Variants in ABTB2 observed in about 807,000 individuals in gnomAD.
ABTB2 encodes ankyrin repeat and BTB domain containing 2, also known as ankyrin repeat and BTB/POZ domain-containing protein 2.
In ABTB2, 56 loss-of-function variants were observed where a neutral mutation model predicts 104.1. That is an observed-to-expected ratio of 0.54 (90% CI 0.43 to 0.67). The LOEUF (loss-of-function observed/expected upper bound fraction) is 0.67. Ranked by LOEUF, ABTB2 falls within the 30% of genes least tolerant of loss-of-function variation. The pLI is 0.00. For missense variants in ABTB2, 1,279 were observed against 1,407.7 expected, an observed-to-expected ratio of 0.91 and a Z score of 1.46; for synonymous variants, 606 against 608.2, an observed-to-expected ratio of 1.00 and a Z score of 0.05.
chr11:34,270,023 G>A (rs1334385101), intron 1 of ABTB2, among the ~76,000 whole-genome samples: 1 of 152,172 alleles, frequency 6.6e-6, no homozygotes, highest in East Asian at 1.9e-4. Context: ...ACGTCTTCTG[G>A]CTCCTTATCT....
intron 1 of ABTB2, among the ~76,000 whole-genome samples, chr11:34,306,423 T>C (rs1248434790): frequency 6.6e-6 from 1 of 150,700 alleles, no homozygotes; most frequent in African/African-American, 2.4e-5. Context: ...ATTTTTGTAT[T>C]TTTAGTAGAG....
At position 34,229,278 on chromosome 11, in the gene ABTB2, C is replaced by A. The variant is rs534751988; in HGVS notation, c.884-24588G>T. ...TGGGCGGATCACAAAGTCAGGAGAT[C>A]AAGACCATCCTGGCTAACACGATGA... is the stretch of plus-strand genomic sequence containing the variant. On this transcript the variant is annotated intron_variant, in intron 1 of 16. Transcript: ENST00000435224. Among the ~76,000 whole-genome samples, 425 of 151,774 alleles carry A rather than the reference C, an allele frequency of 2.8e-3. 3 individuals carry two copies. The highest frequency in any genetic ancestry group is 6.5e-3 in the African/African-American group (267 of 41,380).
At chr11:34,325,667 T>C (rs1426544428) in intron 1 of ABTB2, among the ~76,000 whole-genome samples, 1 of 152,140 alleles carries the variant, frequency 6.6e-6, no homozygotes, top group Non-Finnish European at 1.5e-5. Context: ...AAATGCTGGA[T>C]AGGCCGGGTG....
At chr11:34,313,069 T>G (rs1417837660) in intron 1 of ABTB2, among the ~76,000 whole-genome samples, 1 of 152,228 alleles carries the variant, frequency 6.6e-6, no homozygotes, top group Admixed American at 6.5e-5. Context: ...AAATTAAATC[T>G]ATATTCATGA....
At chr11:34,159,192 G>T in intron 14 of ABTB2, 104 bp downstream of exon 14, 1 of 823,666 alleles carries the variant, frequency 1.2e-6, no homozygotes, top group Non-Finnish European at 2.0e-6. Context: ...AGAAGGCACT[G>T]GGAATAGAGT....
In ABTB2 at chr11:34,356,998, C is replaced by T; in HGVS notation, c.586G>A (p.Gly196Ser). 1 of 1,579,104 alleles carries T rather than the reference C, an allele frequency of 6.3e-7. No homozygotes were observed. Among genetic ancestry groups the T allele is most frequent in the African/African-American group, 1.3e-5 (1 of 74,680 alleles). The change falls in exon 1 of 17, where the codon GGC (glycine) becomes AGC (serine). Residue 196 changes from glycine to serine, a missense_variant. Transcript: ENST00000435224. This position sits in a 1 kb window ranked among gnomAD's most constrained non-coding sequence, Gnocchi z 4.6. ...GTGAGGCCGCAGCGCGCGGACTTGC[C>T]CCGGCGCAGCCCGTCGCCGGCGCTC... is the stretch of plus-strand genomic sequence containing the variant. Reference protein sequence around the residue: ...SMSAGDGLRRGKSARCGLTFS... With the variant: ...SMSAGDGLRRSKSARCGLTFS...
intron 1 of ABTB2, among the ~76,000 whole-genome samples, chr11:34,242,064 T>C (rs1022262019): frequency 1.3e-5 from 2 of 152,356 alleles, no homozygotes; most frequent in South Asian, 4.1e-4. Flanking sequence ...TCTCTCTCCA[T>C]GGCCACTGCC....
chr11:34,167,887 T>C lies in ABTB2; in HGVS notation c.1653+16A>G, dbSNP rs750530688. 3 of 1,613,828 alleles carry C rather than the reference T, an allele frequency of 1.9e-6. No individual in the cohort carries two copies. The Admixed American group carries it at 5.0e-5, about 27-fold the overall frequency. On this transcript the variant is annotated intron_variant, in intron 6 of 16. Coordinates refer to ENST00000435224, the MANE Select transcript of ABTB2 (RefSeq NM_145804.3). Reference sequence around the variant, plus strand: ...CTGGCCTAGGGCCTGGGTGCAGCTCTGTGGGGCTTCCTCACCTGGATGTCC... The same window carrying C: ...CTGGCCTAGGGCCTGGGTGCAGCTCCGTGGGGCTTCCTCACCTGGATGTCC...
rs112739592 is a variant in ABTB2 at position 34,354,449 on chromosome 11, C to T, written c.883+2252G>A. 1.9e-4 allele frequency among the ~76,000 whole-genome samples: 26 copies of T among 140,384 alleles called. 1 individual carries two copies. Among genetic ancestry groups the T allele is most frequent in the African/African-American group, 7.0e-4 (26 of 37,186 alleles). 92.1% of individuals were successfully genotyped at this position (140,384 alleles called of 152,430 possible). On this transcript the variant is annotated intron_variant, in intron 1 of 16. Coordinates refer to ENST00000435224, the MANE Select transcript of ABTB2 (RefSeq NM_145804.3). ...AACCAGCCTGGGCAACATAGCAAAA[C>T]CCTGTCTCTATTTAAAAAAACAAAA...
intron 1 of ABTB2, among the ~76,000 whole-genome samples, chr11:34,353,374 AGAGAGAG>A (rs1468871017): frequency 3.3e-5 from 5 of 152,160 alleles, no homozygotes; most frequent in Admixed American, 1.3e-4. Context: ...GAGAGGAGGG[AGAGAGAG>A]GAGAGAGGAG....
intron 1 of ABTB2, among the ~76,000 whole-genome samples, chr11:34,295,218 T>G (rs536590689): frequency 6.6e-6 from 1 of 152,142 alleles, no homozygotes; most frequent in African/African-American, 2.4e-5. Flanking sequence ...TTATATAAGA[T>G]AGCATATTTG....
chr11:34,274,101 G>A (rs1051182135), intron 1 of ABTB2, among the ~76,000 whole-genome samples: 3 of 136,306 alleles, frequency 2.2e-5, no homozygotes, highest in African/African-American at 2.8e-5. Flanking sequence ...GCAGTGAGCC[G>A]AGATTGCGCC....
intron 13 of ABTB2, 147 bp downstream of exon 13, chr11:34,159,759 G>T (rs894874711): frequency 2.9e-6 from 2 of 678,078 alleles, no homozygotes; most frequent in Non-Finnish European, 2.6e-6. Context: ...GCTGTGGGGC[G>T]AGTGGGGCTC....
intron 1 of ABTB2, among the ~76,000 whole-genome samples, chr11:34,270,554 G>C (rs988014783): frequency 1.3e-5 from 2 of 152,180 alleles, no homozygotes. Flanking sequence ...TGGCCAGGCT[G>C]TTCTGGAACT....
chr11:34,169,854 G>A (rs778497090), intron 5 of ABTB2, among the ~76,000 whole-genome samples: 3 of 152,004 alleles, frequency 2.0e-5, no homozygotes, highest in Non-Finnish European at 2.9e-5. Flanking sequence ...CCCCAGGCTC[G>A]GCTCAACCGC....
chr11:34,237,470 T>C lies in ABTB2; in HGVS notation c.884-32780A>G, dbSNP rs572430236. 1.1e-4 allele frequency among the ~76,000 whole-genome samples: 16 copies of C among 152,196 alleles called. No homozygotes were observed. In the South Asian group the frequency reaches 3.3e-3, roughly 32 times the overall value. On this transcript the variant is annotated intron_variant, in intron 1 of 16. Transcript: ENST00000435224. The stretch of plus-strand genomic sequence containing the variant: ...TCCTGGATATTCTGATTTCAAATTG[T>C]TTTCCTGTTATCTCCATAAATGAAT...
chr11:34,189,934 A>G (rs555216911), intron 3 of ABTB2, among the ~76,000 whole-genome samples: 1 of 152,232 alleles, frequency 6.6e-6, no homozygotes, highest in Admixed American at 6.5e-5. Flanking sequence ...TGACACTATT[A>G]ATCACCTATT....
chr11:34,329,631 C>G (rs931842573), intron 1 of ABTB2, among the ~76,000 whole-genome samples: 1 of 152,242 alleles, frequency 6.6e-6, no homozygotes, highest in Non-Finnish European at 1.5e-5. Flanking sequence ...GTCCCCTTTC[C>G]TACTCAGCTT....
In ABTB2 at chr11:34,151,969, A is replaced by T. The variant is rs1272954428; in HGVS notation, c.*418T>A. ...GGCCTAGGCAGTATGCATTCTATAC[A>T]TTCATAAGGATTCCTGTACCCCCAG... On this transcript the variant is annotated 3_prime_UTR_variant, in exon 17 of 17. Transcript: ENST00000435224. The T allele has an allele frequency of 4.9e-6, 1 of 205,920 alleles. No homozygotes were observed. The highest frequency in any genetic ancestry group is 9.9e-6 in the Non-Finnish European group (1 of 101,138). The allele number at this position is 205,920 out of a possible 1,614,324, so 12.8% of individuals were successfully genotyped here.
Sources: allele counts gnomAD v4.1 joint callset (sites outside exome capture counted in the v4.1 genomes callset), GRCh38; gene constraint gnomAD v4.1.1; non-coding constraint Gnocchi (gnomAD v3.1); transcripts MANE v1.5; gene names NCBI Gene and HGNC (gene_info 2026-07-23, HGNC 2026-07-21).